Variants in PTPRD observed in about 807,000 individuals in gnomAD.
The protein encoded by PTPRD is protein tyrosine phosphatase receptor type D.
A neutral mutation model predicts 214.5 loss-of-function variants in PTPRD; 34 were observed. That is an observed-to-expected ratio of 0.16 (90% CI 0.12 to 0.21). The LOEUF (loss-of-function observed/expected upper bound fraction) is 0.21, where lower values mean the gene tolerates loss of function less well. PTPRD is among the 10% of genes least tolerant of loss of function. The probability of loss-of-function intolerance (pLI) is 1.00; values close to 1 mark genes in which losing one functional copy is unlikely to be tolerated. For synonymous variants in PTPRD, 1,128 were observed against 845.7 expected, an observed-to-expected ratio of 1.33 and a Z score of -5.79; for missense variants, 2,545 against 2,398.7, an observed-to-expected ratio of 1.06 and a Z score of -1.27.
At chr9:10,562,914 AC>A (rs2064433288) in intron 2 of PTPRD, among the ~76,000 whole-genome samples, 1 of 152,190 alleles carries the variant, frequency 6.6e-6, no homozygotes, top group Non-Finnish European at 1.5e-5. Flanking sequence ...ATATATAGAT[AC>A]CCAGCCATGA....
chr9:9,597,056 G>T (rs963086284), intron 7 of PTPRD, among the ~76,000 whole-genome samples: 1 of 151,982 alleles, frequency 6.6e-6, no homozygotes, highest in Non-Finnish European at 1.5e-5. Context: ...AAAGCTGCAG[G>T]TAAGAAGTTC....
intron 11 of PTPRD, among the ~76,000 whole-genome samples, chr9:8,985,771 A>G (rs1426976991): frequency 6.6e-6 from 1 of 152,044 alleles, no homozygotes; most frequent in African/African-American, 2.4e-5. Flanking sequence ...TCCACAATAT[A>G]TTGTGCACCT....
intron 8 of PTPRD, among the ~76,000 whole-genome samples, chr9:9,559,032 T>C (rs2082219751): frequency 6.6e-6 from 1 of 152,200 alleles, no homozygotes; most frequent in South Asian, 2.1e-4. Flanking sequence ...CACGTTCCAG[T>C]CCGGGGGGGT....
intron 24 of PTPRD, among the ~76,000 whole-genome samples, 168 bp downstream of exon 24, chr9:8,500,586 A>G (rs2097378423): frequency 6.7e-6 from 1 of 148,238 alleles, no homozygotes; most frequent in Non-Finnish European, 1.5e-5. Flanking sequence ...AAAAAAAAAA[A>G]AAAAGGCCAG....
chr9:9,367,787 A>T (rs577511343), intron 9 of PTPRD, among the ~76,000 whole-genome samples: 80 of 151,864 alleles, frequency 5.3e-4, no homozygotes, highest in South Asian at 3.9e-3. Context: ...AAGCAATCTG[A>T]GAAGCACCAA....
intron 11 of PTPRD, among the ~76,000 whole-genome samples, chr9:8,872,743 G>A (rs924963650): frequency 1.3e-5 from 2 of 152,032 alleles, no homozygotes; most frequent in South Asian, 2.1e-4. Context: ...AAACCATCTA[G>A]GGACAGTCCA....
chr9:9,998,289 T>G (rs1245858897), intron 4 of PTPRD, among the ~76,000 whole-genome samples: 1 of 150,948 alleles, frequency 6.6e-6, no homozygotes, highest in African/African-American at 2.4e-5. Flanking sequence ...CCAGCAGGAT[T>G]GATGGGTCCC....
At chr9:9,490,107 T>G (rs961858706) in intron 8 of PTPRD, among the ~76,000 whole-genome samples, 4 of 152,094 alleles carry the variant, frequency 2.6e-5, no homozygotes, top group Admixed American at 6.6e-5. Context: ...GTTAATATAT[T>G]CAGAGTGCTA....
intron 9 of PTPRD, among the ~76,000 whole-genome samples, chr9:9,386,052 G>A (rs1403691732): frequency 6.6e-6 from 1 of 152,086 alleles, no homozygotes; most frequent in Non-Finnish European, 1.5e-5. Flanking sequence ...TTACCTAAGG[G>A]AAAATTTTAG....
chr9:9,061,693 G>A (rs765723331), intron 10 of PTPRD, among the ~76,000 whole-genome samples: 1 of 152,128 alleles, frequency 6.6e-6, no homozygotes, highest in African/African-American at 2.4e-5. Context: ...TTTATTAAAT[G>A]AAAATCCTCT....
chr9:9,248,444 A>T (rs1172797313), intron 9 of PTPRD, among the ~76,000 whole-genome samples: 1 of 152,054 alleles, frequency 6.6e-6, no homozygotes, highest in Non-Finnish European at 1.5e-5. Context: ...ATTTGTAATT[A>T]TCTTGGTAAC....
chr9:8,448,584 A>AT (rs149027175), intron 34 of PTPRD, among the ~76,000 whole-genome samples: 4 of 151,942 alleles, frequency 2.6e-5, no homozygotes, highest in Non-Finnish European at 4.4e-5. Context: ...TGATGAAATA[A>AT]TTTTTTTTAA....
intron 3 of PTPRD, among the ~76,000 whole-genome samples, chr9:10,310,491 T>C (rs2096239299): frequency 6.6e-6 from 1 of 151,776 alleles, no homozygotes; most frequent in Non-Finnish European, 1.5e-5. Context: ...TGCAGATAAA[T>C]GGAAGGTTTA....
intron 8 of PTPRD, among the ~76,000 whole-genome samples, chr9:9,397,819 G>T (rs1233760351): frequency 6.6e-6 from 1 of 152,022 alleles, no homozygotes; most frequent in Admixed American, 6.6e-5. Flanking sequence ...TCTTGGTCCT[G>T]GCACAAACAC....
At chr9:9,185,813 G>C (rs769779795) in intron 9 of PTPRD, among the ~76,000 whole-genome samples, 5 of 151,502 alleles carry the variant, frequency 3.3e-5, no homozygotes, top group Admixed American at 6.6e-5. Context: ...ACATGCGTTG[G>C]ATTTACTAGT....
intron 10 of PTPRD, among the ~76,000 whole-genome samples, chr9:9,107,703 C>T (rs1440350168): frequency 6.6e-6 from 1 of 152,194 alleles, no homozygotes; most frequent in African/African-American, 2.4e-5. Flanking sequence ...TCCACAAATT[C>T]TCCTGAATTT....
chr9:10,508,382 G>A (rs2046801681), intron 2 of PTPRD, among the ~76,000 whole-genome samples: 1 of 152,208 alleles, frequency 6.6e-6, no homozygotes, highest in African/African-American at 2.4e-5. Context: ...GTGGAAGACA[G>A]TGCGGCGATT....
intron 11 of PTPRD, among the ~76,000 whole-genome samples, chr9:8,892,632 T>TGTGTATATATATGTGTATATATATGA (rs2098550649): frequency 6.7e-6 from 1 of 148,518 alleles, no homozygotes; most frequent in African/African-American, 2.5e-5. Context: ...TATATATATG[T>TGTGTATATATATGTGTATATATATGA]GTGTATATAT....
intron 7 of PTPRD, among the ~76,000 whole-genome samples, chr9:9,708,271 C>T (rs2097663322): frequency 6.6e-6 from 1 of 152,086 alleles, no homozygotes; most frequent in African/African-American, 2.4e-5. Context: ...TGTGTTTACT[C>T]TTTCTCTCTA....
Sources: allele counts gnomAD v4.1 joint callset (sites outside exome capture counted in the v4.1 genomes callset), GRCh38; gene constraint gnomAD v4.1.1; transcripts MANE v1.5; gene names NCBI Gene and HGNC (gene_info 2026-07-23, HGNC 2026-07-21).